CACNA1I: variants seen among roughly 807,000 people sequenced by gnomAD.
The protein encoded by CACNA1I is calcium voltage-gated channel subunit alpha1 I, also known as voltage-dependent T-type calcium channel subunit alpha-1I.
CACNA1I carries 74 observed loss-of-function variants against 201.6 expected under a neutral mutation model. That is an observed-to-expected ratio of 0.37 (90% CI 0.30 to 0.45). The LOEUF (loss-of-function observed/expected upper bound fraction) is 0.45, where lower values mean the gene tolerates loss of function less well. Among genes scored for constraint, CACNA1I ranks in the 20% least tolerant of loss-of-function variants. The pLI, the probability that CACNA1I is intolerant of heterozygous loss-of-function variation, is 1.00. For missense variants in CACNA1I, 2,346 were observed against 3,138.1 expected (o/e 0.75, Z 6.03); for synonymous variants, 1,431 against 1,345.2 (o/e 1.06, Z -1.40).
rs900611791 is a variant in CACNA1I, at chr22:39,685,674, C to A, written c.6028-87C>A. ...GAGCTCCTTGGATGGGGTCTGCCTGCTGCCTGCTGTGCGGGGGAGGGCGGC... is the reference window on the plus strand; with the variant it reads ...GAGCTCCTTGGATGGGGTCTGCCTGATGCCTGCTGTGCGGGGGAGGGCGGC... On this transcript the variant is annotated intron_variant, in intron 36 of 36. Coordinates refer to ENST00000402142, the MANE Select transcript of CACNA1I (RefSeq NM_021096.4). The surrounding 1 kb of genome is among the most constrained non-coding windows in gnomAD (Gnocchi z 5.0). 1.7e-6 allele frequency: 2 copies of A among 1,149,592 alleles called. No individual in the cohort carries two copies. The highest frequency in any genetic ancestry group is 3.3e-5 in the African/African-American group (2 of 60,688). The allele number at this position is 1,149,592 out of a possible 1,614,324, so 71.2% of individuals were successfully genotyped here. A position where few individuals can be genotyped will look rare whatever the true frequency, so the allele number is the denominator to read the frequency against.
rs1555914591 is a variant in CACNA1I at position 39,689,346 on chromosome 22, C to A, written c.*2941C>A. On this transcript the variant is annotated 3_prime_UTR_variant, in exon 37 of 37. Transcript: ENST00000402142. ...GCCCGTCTGCTGTCTTCCCCCAAAT[C>A]CTCAGCTCAGAGCCTTCCGCTTCCA... 6.5e-6 allele frequency: 1 copy of A among 152,834 alleles called. No homozygotes were observed. Among genetic ancestry groups the A allele is most frequent in the Non-Finnish European group, 1.5e-5 (1 of 68,152 alleles). The allele number at this position is 152,834 out of a possible 1,614,324, so 9.5% of individuals were successfully genotyped here. A position where few individuals can be genotyped will look rare whatever the true frequency, so the allele number is the denominator to read the frequency against.
At chr22:39,578,480 G>A (rs1162168275) in intron 1 of CACNA1I, among the ~76,000 whole-genome samples, 3 of 152,106 alleles carry the variant, frequency 2.0e-5, no homozygotes, top group African/African-American at 4.8e-5. Flanking sequence ...CTTGCCCCAC[G>A]TGACGACTGG....
At position 39,680,934 on chromosome 22, in the gene CACNA1I, A is replaced by G. The variant is rs760923230; in HGVS notation, c.5546A>G (p.Gln1849Arg). ...KKCHHDKQEV[Q>R]LAETEAFSLN... ...GGCCACCCCCTCTTCCTGCAGGTGCAGCTGGCTGAGACGGAGGCCTTCTCC... is the reference window on the plus strand; with the variant it reads ...GGCCACCCCCTCTTCCTGCAGGTGCGGCTGGCTGAGACGGAGGCCTTCTCC... The change falls in exon 34 of 37, where the codon CAG (glutamine) becomes CGG (arginine). Residue 1849 changes from glutamine (Q) to arginine (R), a missense_variant. Physicochemically the swap from Gln to Arg is conservative, Grantham distance 43. Coordinates refer to ENST00000402142, the MANE Select transcript of CACNA1I (RefSeq NM_021096.4). 6.2e-7 allele frequency: 1 copy of G among 1,609,560 alleles called. No individual in the cohort carries two copies. The highest frequency in any genetic ancestry group is 2.2e-5 in the East Asian group (1 of 44,820).
chr22:39,613,044 G>A (rs181706866), intron 3 of CACNA1I, among the ~76,000 whole-genome samples: 70 of 152,252 alleles, frequency 4.6e-4, no homozygotes, highest in Admixed American at 8.5e-4. Flanking sequence ...GAAAGCCCCC[G>A]TGGGCCCCTT....
Position 39,673,015 on chromosome 22 carries a change from G to A in CACNA1I, c.4716G>A (p.Glu1572=). ...SVMGITLEEI[E]INAALPINPT... ...TGGGCATCACCCTGGAGGAGATCGA[G>A]ATCAATGCGGCCCTGCCCATCAATC... is the stretch of plus-strand genomic sequence containing the variant. The change falls in exon 28 of 37, where the codon GAG becomes GAA. Residue 1572 remains glutamate (E), a synonymous_variant. Transcript: ENST00000402142. The A allele has an allele frequency of 1.2e-6, 2 of 1,613,866 alleles. No individual in the cohort carries two copies. Among genetic ancestry groups the A allele is most frequent in the South Asian group, 2.2e-5 (2 of 91,082 alleles).
At chr22:39,664,070 G>A (rs1935107123) in intron 19 of CACNA1I, 21 bp from the exon 20 acceptor site, 2 of 1,611,222 alleles carry the variant, frequency 1.2e-6, no homozygotes, top group Non-Finnish European at 8.5e-7. Flanking sequence ...CTGAGCCTAT[G>A]GTATCTCCCG....
intron 1 of CACNA1I, among the ~76,000 whole-genome samples, chr22:39,575,582 A>G (rs1932317722): frequency 6.6e-6 from 1 of 152,030 alleles, no homozygotes; most frequent in Admixed American, 6.5e-5. Context: ...ATCAGACCCA[A>G]TCTCTGTTAA....
At chr22:39,571,658 C>A (rs541817985) in intron 1 of CACNA1I, among the ~76,000 whole-genome samples, 1 of 152,240 alleles carries the variant, frequency 6.6e-6, no homozygotes, top group Non-Finnish European at 1.5e-5. Flanking sequence ...GCTCTTCCCC[C>A]TGTCTGAAAA....
Position 39,665,724 on chromosome 22 carries a change from C to T in CACNA1I, c.3978+100C>T. The stretch of plus-strand genomic sequence containing the variant: ...AGACTCCACATTCCAACCTCATGCG[C>T]CTTGCCAGCTGTGGGCTTCTCCTCC... On this transcript the variant is annotated intron_variant, in intron 22 of 36. Coordinates refer to ENST00000402142, the MANE Select transcript of CACNA1I (RefSeq NM_021096.4). The surrounding 1 kb of genome is among the most constrained non-coding windows in gnomAD (Gnocchi z 5.5). 1 of 1,549,816 alleles carries T rather than the reference C, an allele frequency of 6.5e-7. No homozygotes were observed. Among genetic ancestry groups the T allele is most frequent in the Non-Finnish European group, 8.8e-7 (1 of 1,135,464 alleles).
At chr22:39,651,341 C>T (rs1364782458) in intron 10 of CACNA1I, among the ~76,000 whole-genome samples, 1 of 152,244 alleles carries the variant, frequency 6.6e-6, no homozygotes, top group Non-Finnish European at 1.5e-5. Context: ...TTCGTTAGCT[C>T]ACCAAGCACA....
intron 7 of CACNA1I, among the ~76,000 whole-genome samples, chr22:39,644,905 C>T (rs187866735): frequency 1.3e-5 from 2 of 151,800 alleles, no homozygotes; most frequent in African/African-American, 4.8e-5. Context: ...CCAGGCTGGT[C>T]TCAAACTCCT....
At chr22:39,651,151 A>C (rs1934635156) in intron 10 of CACNA1I, among the ~76,000 whole-genome samples, 2 of 151,462 alleles carry the variant, frequency 1.3e-5, no homozygotes, top group East Asian at 1.9e-4. Flanking sequence ...ACGGCGGGGA[A>C]GTCACTGGCC....
intron 4 of CACNA1I, among the ~76,000 whole-genome samples, chr22:39,633,362 G>A (rs906643672): frequency 2.6e-5 from 4 of 152,206 alleles, no homozygotes; most frequent in Admixed American, 2.6e-4. Flanking sequence ...AGAATAAGAC[G>A]AGATATTGAT....
intron 1 of CACNA1I, among the ~76,000 whole-genome samples, chr22:39,584,897 C>T (rs777815785): frequency 6.6e-6 from 1 of 152,194 alleles, no homozygotes. Flanking sequence ...TCATCACGGC[C>T]ATCACTTTGA....
chr22:39,591,521 T>C (rs1313412879), intron 1 of CACNA1I, among the ~76,000 whole-genome samples: 2 of 152,094 alleles, frequency 1.3e-5, no homozygotes, highest in Admixed American at 6.6e-5. Flanking sequence ...AGGACAGATA[T>C]CTATCACAGG....
intron 4 of CACNA1I, among the ~76,000 whole-genome samples, chr22:39,632,243 G>C (rs965072235): frequency 6.6e-6 from 1 of 152,118 alleles, no homozygotes; most frequent in African/African-American, 2.4e-5. Context: ...AGCTGCTACC[G>C]GCCCTCTGTG....
At chr22:39,583,156 CCATGCATG>C (rs1478903078) in intron 1 of CACNA1I, among the ~76,000 whole-genome samples, 14 of 151,054 alleles carry the variant, frequency 9.3e-5, no homozygotes, top group East Asian at 2.0e-4. Flanking sequence ...ATCCAGCCAT[CCATGCATG>C]CATCCATCTC....
At chr22:39,653,701 G>T (rs1359961961) in intron 10 of CACNA1I, among the ~76,000 whole-genome samples, 1 of 152,216 alleles carries the variant, frequency 6.6e-6, no homozygotes, top group Non-Finnish European at 1.5e-5. Context: ...GTGACCTCAG[G>T]CCTGGTCACA....
Position 39,647,829 on chromosome 22 carries a change from G to C in CACNA1I, c.1470G>C (p.Lys490Asn). ...HAKEPRHYHGKTKGQGDEGRH... is the reference protein window; with the variant it reads ...HAKEPRHYHGNTKGQGDEGRH... ...ATTATCTCCACTTTTCAGATGGGAA[G>C]ACTAAGGGTCAGGGAGATGAAGGGA... The change falls in exon 9 of 37, where the codon AAG becomes AAC. Residue 490 changes from lysine to asparagine, a missense_variant. Around this residue, in one of 13 missense-constraint regions of CACNA1I, gnomAD observed 312 missense variants for 331.5 expected, o/e 0.94. Transcript: ENST00000402142. 1 of 1,601,626 alleles carries C rather than the reference G, an allele frequency of 6.2e-7. No individual in the cohort carries two copies. The highest frequency in any genetic ancestry group is 8.6e-7 in the Non-Finnish European group (1 of 1,168,722).
Sources: allele counts gnomAD v4.1 joint callset (sites outside exome capture counted in the v4.1 genomes callset), GRCh38; gene constraint gnomAD v4.1.1; regional missense constraint gnomAD v4.1.1; non-coding constraint Gnocchi (gnomAD v3.1); transcripts MANE v1.5; gene names NCBI Gene and HGNC (gene_info 2026-07-23, HGNC 2026-07-21).